PARN: variants seen among roughly 807,000 people sequenced by gnomAD.
PARN encodes poly(A)-specific ribonuclease.
PARN carries 71 observed loss-of-function variants against 102.8 expected under a neutral mutation model. That is an observed-to-expected ratio of 0.69 (90% CI 0.57 to 0.84). The LOEUF (loss-of-function observed/expected upper bound fraction) is 0.84. PARN is among the 40% of genes least tolerant of loss of function. The probability of loss-of-function intolerance (pLI) is 0.00; values close to 1 mark genes in which losing one functional copy is unlikely to be tolerated. For missense variants in PARN, 782 were observed against 760.9 expected (o/e 1.03, Z -0.33); for synonymous variants, 261 against 252.9 (o/e 1.03, Z -0.30).
intron 21 of PARN, among the ~76,000 whole-genome samples, chr16:14,541,899 A>G (rs1729157843): frequency 1.3e-5 from 2 of 152,244 alleles, no homozygotes; most frequent in Admixed American, 1.3e-4. Flanking sequence ...TCAATCCCAA[A>G]TTACTCAATA....
intron 23 of PARN, among the ~76,000 whole-genome samples, chr16:14,445,811 G>A (rs544368866): frequency 6.6e-6 from 1 of 152,258 alleles, no homozygotes; most frequent in Admixed American, 6.5e-5. Flanking sequence ...TGATCCACCC[G>A]TCTTGGCCTC....
In PARN at chr16:14,455,619, T is replaced by C. The variant is rs571731723; in HGVS notation, c.1671-8538A>G. ...CAACTTAAGGGCTGCTGCCAAAACT[T>C]ACATCTTCCAACAAGACTTGGAGGA... On this transcript the variant is annotated intron_variant, in intron 22 of 23. Coordinates refer to ENST00000437198, the MANE Select transcript of PARN (RefSeq NM_002582.4). 2.6e-5 allele frequency among the ~76,000 whole-genome samples: 4 copies of C among 152,068 alleles called. No homozygotes were observed. The East Asian group carries it at 7.9e-4, about 30-fold the overall frequency.
At chr16:14,513,603 T>A (rs1422333510) in intron 21 of PARN, among the ~76,000 whole-genome samples, 1 of 152,212 alleles carries the variant, frequency 6.6e-6, no homozygotes, top group African/African-American at 2.4e-5. Flanking sequence ...TCCAGCTTCC[T>A]GCTCCCTCCC....
intron 5 of PARN, among the ~76,000 whole-genome samples, chr16:14,625,991 T>A (rs750598080): frequency 1.4e-4 from 22 of 152,206 alleles, no homozygotes; most frequent in Non-Finnish European, 2.5e-4. Flanking sequence ...GAAACAGTGA[T>A]ATTTACTGAG....
At chr16:14,447,920 G>A (rs527456985) in intron 22 of PARN, among the ~76,000 whole-genome samples, 1 of 151,638 alleles carries the variant, frequency 6.6e-6, no homozygotes, top group African/African-American at 2.4e-5. Flanking sequence ...TTTCCTAGGA[G>A]GTGGGTACTT....
chr16:14,614,205 C>T (rs888497952), intron 6 of PARN, among the ~76,000 whole-genome samples: 1 of 151,314 alleles, frequency 6.6e-6, no homozygotes, highest in African/African-American at 2.4e-5. Flanking sequence ...TGCAGTGAGT[C>T]ATGAATGTGC....
chr16:14,614,846 C>CAAAAAAAAAAAAA (rs57502376), intron 6 of PARN, among the ~76,000 whole-genome samples: 11 of 37,654 alleles, frequency 2.9e-4, no homozygotes, highest in Non-Finnish European at 3.9e-4. Flanking sequence ...GAAACTGTCT[C>CAAAAAAAAAAAAA]AAAAAAAAAA....
chr16:14,436,846 C>T, intron 23 of PARN, 74 bp from the exon 24 acceptor site: 1 of 1,090,164 alleles, frequency 9.2e-7, no homozygotes. Context: ...ACATGACCAG[C>T]AGACAGACAG....
At chr16:14,451,843 T>TAAAAAAAAAAAAAAAAAAAA (rs1184998225) in intron 22 of PARN, among the ~76,000 whole-genome samples, 1 of 54,618 alleles carries the variant, frequency 1.8e-5, no homozygotes, top group Non-Finnish European at 3.6e-5. Flanking sequence ...ACCCCGTCTC[T>TAAAAAAAAAAAAAAAAAAAA]AAAAAAAAAA....
chr16:14,617,959 G>A (rs1266333555), intron 5 of PARN, among the ~76,000 whole-genome samples: 2 of 151,904 alleles, frequency 1.3e-5, no homozygotes, highest in Non-Finnish European at 2.9e-5. Context: ...CTCCTGCCTC[G>A]GCCTCCCAAA....
intron 21 of PARN, among the ~76,000 whole-genome samples, chr16:14,523,612 C>A (rs180702798): frequency 1.3e-5 from 2 of 152,108 alleles, no homozygotes; most frequent in East Asian, 1.9e-4. Context: ...ACTGTACATA[C>A]GTAGAGATCA....
intron 11 of PARN, among the ~76,000 whole-genome samples, chr16:14,603,259 C>T (rs983517236): frequency 6.6e-6 from 1 of 152,170 alleles, no homozygotes; most frequent in South Asian, 2.1e-4. Flanking sequence ...CTGCGTTGTC[C>T]TTTTTAGTAT....
chr16:14,500,993 G>A (rs1175280188), intron 21 of PARN, among the ~76,000 whole-genome samples: 2 of 152,104 alleles, frequency 1.3e-5, no homozygotes, highest in Admixed American at 6.6e-5. Context: ...CTGCTATGAG[G>A]CACCCAGGGA....
chr16:14,502,199 T>C (rs1044164699), intron 21 of PARN, among the ~76,000 whole-genome samples: 2 of 152,104 alleles, frequency 1.3e-5, no homozygotes, highest in Admixed American at 1.3e-4. Context: ...CACAACAGAG[T>C]ATTCACGCAT....
chr16:14,487,562 A>C (rs1369415491), intron 21 of PARN, among the ~76,000 whole-genome samples: 1 of 152,240 alleles, frequency 6.6e-6, no homozygotes, highest in Admixed American at 6.5e-5. Flanking sequence ...AAAATATTCC[A>C]ACATTTTATT....
At chr16:14,549,453 T>C (rs904686875) in intron 21 of PARN, among the ~76,000 whole-genome samples, 4 of 152,084 alleles carry the variant, frequency 2.6e-5, no homozygotes, top group African/African-American at 4.8e-5. Context: ...AATCAGACAA[T>C]AGAGTGCTTC....
At chr16:14,612,342 C>A (rs1472539326) in intron 6 of PARN, among the ~76,000 whole-genome samples, 1 of 151,920 alleles carries the variant, frequency 6.6e-6, no homozygotes, top group African/African-American at 2.4e-5. Flanking sequence ...GAGGCTAAGG[C>A]AGGAGAATCA....
chr16:14,456,194 G>A (rs1961672188), intron 22 of PARN, among the ~76,000 whole-genome samples: 1 of 151,232 alleles, frequency 6.6e-6, no homozygotes, highest in Non-Finnish European at 1.5e-5. Context: ...TAAACTGATG[G>A]GGTCTGGCTC....
At chr16:14,482,017 AC>A (rs1364440135) in intron 22 of PARN, among the ~76,000 whole-genome samples, 1 of 152,180 alleles carries the variant, frequency 6.6e-6, no homozygotes, top group Non-Finnish European at 1.5e-5. Flanking sequence ...TCAGACACAC[AC>A]AAGTTCACTT....
Sources: allele counts gnomAD v4.1 joint callset (sites outside exome capture counted in the v4.1 genomes callset), GRCh38; gene constraint gnomAD v4.1.1; transcripts MANE v1.5; gene names NCBI Gene and HGNC (gene_info 2026-07-23, HGNC 2026-07-21).